Variants in ADD1 observed in about 807,000 individuals in gnomAD.
The protein encoded by ADD1 is alpha-adducin.
Under a neutral mutation model 80.5 loss-of-function variants are expected in ADD1, and 24 were observed. The ratio of observed to expected loss-of-function variants is 0.30; its 90% confidence interval spans 0.22 to 0.42. The LOEUF is 0.42. Among genes scored for constraint, ADD1 ranks in the 10% least tolerant of loss-of-function variants. ADD1 has a pLI of 1.00. For missense variants in ADD1, 948 were observed against 1,019.0 expected (o/e 0.93, Z 0.95); for synonymous variants, 373 against 393.8 (o/e 0.95, Z 0.63).
At position 2,904,782 on chromosome 4, in the gene ADD1, C is replaced by G. The variant is rs780044563; in HGVS notation, c.1180C>G (p.Pro394Ala). 1.9e-6 allele frequency: 3 copies of G among 1,613,984 alleles called. No homozygotes were observed. The Admixed American group carries it at 5.0e-5, about 27-fold the overall frequency. ...ACCCTAGGGCTACAGAACTGGCTACCCTTATCGATACCCTGCTCTGAGAGA... is the reference window on the plus strand; with the variant it reads ...ACCCTAGGGCTACAGAACTGGCTACGCTTATCGATACCCTGCTCTGAGAGA... ...LDNLGYRTGY[P>A]YRYPALREKS... Residue 394 changes from proline to alanine, a missense_variant, in exon 10 of 16, where the codon CCT becomes GCT. Physicochemically the swap from Pro to Ala is conservative, Grantham distance 27. Transcript: ENST00000683351.
intron 3 of ADD1, among the ~76,000 whole-genome samples, chr4:2,883,125 G>C (rs573676267): frequency 6.6e-6 from 1 of 152,164 alleles, no homozygotes; most frequent in East Asian, 1.9e-4. Context: ...GCCTCCCTAA[G>C]TGCTGGGATT....
rs184640341 is a variant in ADD1 at position 2,872,422 on chromosome 4, G to A, written c.-20-3474G>A. 1.3e-5 allele frequency among the ~76,000 whole-genome samples: 2 copies of A among 152,280 alleles called. 1 individual carries two copies. The highest frequency in any genetic ancestry group is 3.9e-4 in the East Asian group (2 of 5,190). On this transcript the variant is annotated intron_variant, in intron 1 of 15. Coordinates refer to ENST00000683351, the MANE Select transcript of ADD1 (RefSeq NM_001354761.2). ...TATTTGCCATTATATCATTTTGCCAGTGTATAATTATGGCATTACATAATA... is the reference window on the plus strand; with the variant it reads ...TATTTGCCATTATATCATTTTGCCAATGTATAATTATGGCATTACATAATA...
rs1371409531 is a variant in ADD1, at chr4:2,857,208, G to A, written c.-21+13184G>A. 3.3e-5 allele frequency among the ~76,000 whole-genome samples: 5 copies of A among 152,018 alleles called. No individual in the cohort carries two copies. In the East Asian group the frequency reaches 7.7e-4, roughly 23 times the overall value. On this transcript the variant is annotated intron_variant, in intron 1 of 15. Coordinates refer to ENST00000683351, the MANE Select transcript of ADD1 (RefSeq NM_001354761.2). ...ATTACAGACGTGAGCCACCACACCC[G>A]GCCAGGGCAATTTTTTCAAAGCTGT...
Position 2,928,336 on chromosome 4 carries a change from A to G in ADD1, c.2213A>G (p.Glu738Gly). Residue 738 changes from glutamate to glycine, a missense_variant, in exon 16 of 16, where the codon GAG becomes GGG. Glu to Gly is a moderately conservative substitution (Grantham distance 98). Coordinates refer to ENST00000683351, the MANE Select transcript of ADD1 (RefSeq NM_001354761.2). ...RPPSPTEAPT[E>G]ASPEPAPDPA... The stretch of plus-strand genomic sequence containing the variant: ...CCAAGCCCCACTGAGGCCCCTACTG[A>G]GGCCAGCCCCGAGCCAGCCCCAGAC... 6.2e-7 allele frequency: 1 copy of G among 1,613,812 alleles called. No individual in the cohort carries two copies. The highest frequency in any genetic ancestry group is 2.2e-5 in the East Asian group (1 of 44,862).
chr4:2,902,119 T>C (rs1336234205), intron 9 of ADD1: 2 of 152,180 alleles, frequency 1.3e-5, no homozygotes, highest in East Asian at 3.9e-4. Context: ...CTTCTGGTTT[T>C]GGTTTAACAG....
At chr4:2,887,416 T>C (rs1419289878) in intron 4 of ADD1, 1 of 151,384 alleles carries the variant, frequency 6.6e-6, no homozygotes, top group Non-Finnish European at 1.5e-5. Context: ...GAAATAGATC[T>C]TTAAGATTGC....
Position 2,926,450 on chromosome 4 carries a change from C to T in ADD1, c.2047+338C>T. ...GAGGTGCCCTCCGCTGTGTGAGCCA[C>T]ACGCCGGCTGCCTCTCAGCCACCGT... On this transcript the variant is annotated intron_variant, in intron 15 of 15. Coordinates refer to ENST00000683351, the MANE Select transcript of ADD1 (RefSeq NM_001354761.2). This position sits in a 1 kb window ranked among gnomAD's most constrained non-coding sequence, Gnocchi z 5.0. 2.9e-6 allele frequency: 2 copies of T among 697,276 alleles called. No homozygotes were observed. Among genetic ancestry groups the T allele is most frequent in the Admixed American group, 4.1e-5 (2 of 48,774 alleles). 43.2% of individuals were successfully genotyped at this position (697,276 alleles called of 1,614,324 possible).
intron 6 of ADD1, among the ~76,000 whole-genome samples, chr4:2,895,501 G>T (rs1735040270): frequency 6.6e-6 from 1 of 152,104 alleles, no homozygotes; most frequent in Non-Finnish European, 1.5e-5. Flanking sequence ...GGACGAGCTG[G>T]GGAAAGGGAG....
chr4:2,889,175 G>C (rs1414737767), intron 4 of ADD1, among the ~76,000 whole-genome samples: 1 of 152,154 alleles, frequency 6.6e-6, no homozygotes, highest in South Asian at 2.1e-4. Flanking sequence ...GGGATCAGTA[G>C]GGCCAAATTG....
intron 5 of ADD1, 68 bp downstream of exon 5, chr4:2,894,161 T>G (rs1280698310): frequency 7.9e-7 from 1 of 1,273,646 alleles, no homozygotes; most frequent in Non-Finnish European, 1.1e-6. Flanking sequence ...CATCTTCAGA[T>G]CAGCTAAATA....
intron 1 of ADD1, among the ~76,000 whole-genome samples, chr4:2,864,680 C>T (rs1227936872): frequency 6.6e-6 from 1 of 151,994 alleles, no homozygotes; most frequent in African/African-American, 2.4e-5. Flanking sequence ...TTTACACTTC[C>T]TTCCTTTTTC....
At chr4:2,882,488 C>CA (rs1251126709) in intron 3 of ADD1, among the ~76,000 whole-genome samples, 2 of 152,162 alleles carry the variant, frequency 1.3e-5, no homozygotes, top group African/African-American at 4.8e-5. Context: ...TGAATGTGAG[C>CA]AAAGAATGGT....
chr4:2,917,382 T>C (rs1739265742), intron 14 of ADD1, among the ~76,000 whole-genome samples: 1 of 152,212 alleles, frequency 6.6e-6, no homozygotes, highest in African/African-American at 2.4e-5. Flanking sequence ...GATGGCATTG[T>C]TTTTTTCTTG....
intron 2 of ADD1, among the ~76,000 whole-genome samples, chr4:2,880,596 C>T (rs532765213): frequency 2.0e-5 from 3 of 150,960 alleles, no homozygotes; most frequent in African/African-American, 7.3e-5. Flanking sequence ...CTGCCTCAGC[C>T]TCCCGAGTAG....
chr4:2,857,985 G>T (rs1728319955), intron 1 of ADD1, among the ~76,000 whole-genome samples: 1 of 151,964 alleles, frequency 6.6e-6, no homozygotes, highest in Non-Finnish European at 1.5e-5. Flanking sequence ...TTTAAGATCT[G>T]CTGCATTCAG....
rs755872563 is a variant in ADD1, at chr4:2,884,570, T to G, written c.414T>G (p.Tyr138Ter). The change falls in exon 4 of 16, where the codon TAT (tyrosine) becomes TAG (stop). Residue 138 changes from tyrosine (Y) to a stop codon, truncating the protein, a stop_gained. Coordinates refer to ENST00000683351, the MANE Select transcript of ADD1 (RefSeq NM_001354761.2). LOFTEE classifies it high-confidence loss of function. The stretch of plus-strand genomic sequence containing the variant: ...TTAGAGGATCTGATTCTATTGCGTA[T>G]GACAAAGGAGAGAAGTTATTACGGT... The part of the protein sequence containing the change: ...NDLRGSDSIA[Y>*]DKGEKLLRCK... 1 of 1,613,530 alleles carries G rather than the reference T, an allele frequency of 6.2e-7. No homozygotes were observed. Among genetic ancestry groups the G allele is most frequent in the Non-Finnish European group, 8.5e-7 (1 of 1,179,610 alleles).
Position 2,923,533 on chromosome 4 carries a change from C to T in ADD1, c.1949-2481C>T, listed in dbSNP as rs982377377. ...CAGTTGGAAATGCAGAAATCATCCA[C>T]CTTCTGCGTTGATCTCACTGGGAGC... On this transcript the variant is annotated intron_variant, in intron 14 of 15. Transcript: ENST00000683351. 3.3e-5 allele frequency among the ~76,000 whole-genome samples: 5 copies of T among 152,266 alleles called. No homozygotes were observed. The East Asian group carries it at 9.6e-4, about 29-fold the overall frequency.
At chr4:2,844,158 G>A (rs1464026987) in intron 1 of ADD1, 134 bp downstream of exon 1, 4 of 150,362 alleles carry the variant, frequency 2.7e-5, no homozygotes, top group Non-Finnish European at 6.0e-5. Flanking sequence ...TCGGGGGCGG[G>A]GAGGCCGCTG....
chr4:2,873,105 G>A (rs1730715248), intron 1 of ADD1, among the ~76,000 whole-genome samples: 2 of 151,942 alleles, frequency 1.3e-5, no homozygotes, highest in African/African-American at 2.4e-5. Context: ...TAATTCTTGT[G>A]CCTCAGCCTC....
Sources: gnomAD v4.1 joint callset for allele counts (sites outside exome capture counted in the v4.1 genomes callset) on GRCh38, gnomAD v4.1.1 for gene constraint, Gnocchi (gnomAD v3.1) non-coding constraint, MANE v1.5 for transcripts, NCBI Gene and HGNC (gene_info 2026-07-23, HGNC 2026-07-21) for gene names.